Variants in FBXO47 observed in about 807,000 individuals in gnomAD.
The protein encoded by FBXO47 is F-box only protein 47.
Under a neutral mutation model 53.9 loss-of-function variants are expected in FBXO47, and 34 were observed. That is an observed-to-expected ratio of 0.63 (90% confidence interval 0.48 to 0.84). The LOEUF (loss-of-function observed/expected upper bound fraction) is 0.84, where lower values mean the gene tolerates loss of function less well. Among genes scored for constraint, FBXO47 ranks in the 40% least tolerant of loss-of-function variants. The probability of loss-of-function intolerance (pLI) is 0.00; values close to 1 mark genes in which losing one functional copy is unlikely to be tolerated. For synonymous variants in FBXO47, 165 were observed against 181.6 expected (o/e 0.91, Z 0.73); for missense variants, 485 against 541.3 (o/e 0.90, Z 1.03).
intron 1 of FBXO47, among the ~76,000 whole-genome samples, chr17:38,964,148 C>T (rs1164716987): frequency 6.6e-6 from 1 of 152,080 alleles, no homozygotes; most frequent in Non-Finnish European, 1.5e-5. Context: ...ATTCTTCCCT[C>T]AATTCCACCT....
chr17:38,945,696 G>C (rs1452194692), intron 6 of FBXO47, among the ~76,000 whole-genome samples: 1 of 151,810 alleles, frequency 6.6e-6, no homozygotes, highest in Admixed American at 6.6e-5. Flanking sequence ...CAGCACTTTG[G>C]GAGGCTGAGG....
At chr17:38,941,620 T>TTTTATATATATATA (rs1555560016) in intron 9 of FBXO47, among the ~76,000 whole-genome samples, 63 of 115,178 alleles carry the variant, frequency 5.5e-4, no homozygotes, top group African/African-American at 1.7e-3. Flanking sequence ...AAATATAATA[T>TTTTATATATATATA]TATATATATA....
intron 6 of FBXO47, among the ~76,000 whole-genome samples, chr17:38,946,313 T>TAA (rs1307170096): frequency 1.7e-4 from 8 of 47,828 alleles, no homozygotes; most frequent in East Asian, 8.4e-4. Flanking sequence ...TATAAATATA[T>TAA]AAATATATAT....
Position 38,945,114 on chromosome 17 carries a change from T to A in FBXO47, c.639A>T (p.Leu213Phe), listed in dbSNP as rs191314989. 2.3e-4 allele frequency: 377 copies of A among 1,613,064 alleles called. 5 individuals carry two copies. The East Asian group carries it at 8.2e-3, about 35-fold the overall frequency. ...CATTCCTACAGAAGAGTCTGATTCTTAACTCCAGTTTTTGGGCACTTCCTA... is the reference window on the plus strand; with the variant it reads ...CATTCCTACAGAAGAGTCTGATTCTAAACTCCAGTTTTTGGGCACTTCCTA... ...SKPGSAQKLE[L>F]RIRLFCRNVL... Residue 213 changes from leucine to phenylalanine, a missense_variant, in exon 7 of 11, where the codon TTA (leucine) becomes TTT (phenylalanine). Physicochemically the swap from Leu to Phe is conservative, Grantham distance 22. Transcript: ENST00000378079.
At position 38,945,147 on chromosome 17, in the gene FBXO47, AAAAGAATTGT is replaced by A; in HGVS notation, c.617-21_617-12del. 6.3e-7 allele frequency: 1 copy of A among 1,588,946 alleles called. No homozygotes were observed. Among genetic ancestry groups the A allele is most frequent in the East Asian group, 2.2e-5 (1 of 44,634 alleles). ...GTTTTTGGGCACTTCCTATGAAGAC[AAAAGAATTGT>A]AAATCATTCTTCGTAGAAAGGCTGC... On this transcript the variant is annotated splice_polypyrimidine_tract_variant and intron_variant, in intron 6 of 10. Coordinates refer to ENST00000378079, the MANE Select transcript of FBXO47 (RefSeq NM_001008777.3).
chr17:38,946,809 C>CATATATAG lies in FBXO47; in HGVS notation c.617-1674_617-1673insCTATATAT, dbSNP rs1390159995. On this transcript the variant is annotated intron_variant, in intron 6 of 10. Transcript: ENST00000378079. ...ATATAAATATATATAGATATATAAA[C>CATATATAG]ATATATAAATATATAAATATATAAA... Among the ~76,000 whole-genome samples the CATATATAG allele has an allele frequency of 1.0e-3, 57 of 55,804 alleles. 1 individual carries two copies. In the East Asian group the frequency reaches 0.019, roughly 19 times the overall value. The allele number at this position is 55,804 out of a possible 152,430, so 36.6% of individuals were successfully genotyped here. A position where few individuals can be genotyped will look rare whatever the true frequency, so the allele number is the denominator to read the frequency against.
chr17:38,953,959 T>C (rs1905430625), intron 5 of FBXO47, among the ~76,000 whole-genome samples: 2 of 152,102 alleles, frequency 1.3e-5, no homozygotes, highest in Admixed American at 1.3e-4. Context: ...TTCTTACGGG[T>C]GCAGTGCCTG....
intron 9 of FBXO47, among the ~76,000 whole-genome samples, chr17:38,942,032 A>G (rs1425146701): frequency 1.3e-5 from 2 of 151,914 alleles, no homozygotes. Context: ...AAAATTAGAG[A>G]GAATAATATA....
intron 4 of FBXO47, among the ~76,000 whole-genome samples, chr17:38,955,831 G>A (rs1411390017): frequency 6.6e-6 from 1 of 151,792 alleles, no homozygotes; most frequent in Non-Finnish European, 1.5e-5. Context: ...GGTGGCGCAC[G>A]CCTGTAATCC....
In FBXO47 at chr17:38,961,991, T is replaced by G; in HGVS notation, c.238A>C (p.Asn80His). The part of the protein sequence containing the change: ...VSKTVSQHII[N>H]YISTSSGSKR... ...CTTCCTGATGAGGTTGAGATATAAT[T>G]AATAATGTGTTGGCTGACTGTTTTG... is the stretch of plus-strand genomic sequence containing the variant. The change falls in exon 3 of 11, where the codon AAT (asparagine) becomes CAT (histidine). Residue 80 changes from asparagine (N) to histidine (H), a missense_variant. Transcript: ENST00000378079. 6.2e-7 allele frequency: 1 copy of G among 1,613,974 alleles called. No individual in the cohort carries two copies. The highest frequency in any genetic ancestry group is 8.5e-7 in the Non-Finnish European group (1 of 1,179,964).
At chr17:38,938,317 A>C (rs919990751) in intron 10 of FBXO47, among the ~76,000 whole-genome samples, 2 of 152,214 alleles carry the variant, frequency 1.3e-5, no homozygotes, top group African/African-American at 4.8e-5. Context: ...CAGACTCTTC[A>C]ACTTTATATT....
At chr17:38,948,761 T>A (rs950629311) in intron 6 of FBXO47, among the ~76,000 whole-genome samples, 1 of 152,152 alleles carries the variant, frequency 6.6e-6, no homozygotes, top group East Asian at 1.9e-4. Context: ...TTTATTTATT[T>A]ATTTTTATTA....
At chr17:38,956,922 C>T (rs969513495) in intron 4 of FBXO47, among the ~76,000 whole-genome samples, 3 of 152,110 alleles carry the variant, frequency 2.0e-5, no homozygotes, top group African/African-American at 7.2e-5. Flanking sequence ...ATACTTTATA[C>T]TCTGACAAAC....
intron 5 of FBXO47, among the ~76,000 whole-genome samples, chr17:38,953,182 G>GGT (rs1905390598): frequency 6.7e-6 from 1 of 149,612 alleles, no homozygotes. Context: ...AGCTAGGTGT[G>GGT]GTGGCAGGCC....
chr17:38,964,553 C>G (rs1905992976), intron 1 of FBXO47, among the ~76,000 whole-genome samples: 1 of 151,722 alleles, frequency 6.6e-6, no homozygotes, highest in East Asian at 1.9e-4. Context: ...CCCAGCTAAT[C>G]TGAAGGCTGA....
intron 3 of FBXO47, among the ~76,000 whole-genome samples, chr17:38,959,922 T>C (rs1389122587): frequency 6.6e-6 from 1 of 152,080 alleles, no homozygotes; most frequent in African/African-American, 2.4e-5. Flanking sequence ...AATATATGCC[T>C]GAACCTCATG....
intron 3 of FBXO47, among the ~76,000 whole-genome samples, chr17:38,957,737 C>T (rs374325469): frequency 1.4e-5 from 2 of 143,870 alleles, no homozygotes; most frequent in Non-Finnish European, 3.0e-5. Context: ...CTTACTCTGT[C>T]GCCCAGGCTG....
intron 10 of FBXO47, among the ~76,000 whole-genome samples, chr17:38,937,959 C>T (rs1181319783): frequency 6.6e-6 from 1 of 152,200 alleles, no homozygotes; most frequent in African/African-American, 2.4e-5. Flanking sequence ...TGAGCCACCT[C>T]GCCCAGCCTT....
At chr17:38,966,118 G>A (rs1906108584) in intron 1 of FBXO47, among the ~76,000 whole-genome samples, 1 of 152,012 alleles carries the variant, frequency 6.6e-6, no homozygotes, top group South Asian at 2.1e-4. Flanking sequence ...ATATTTTAAT[G>A]GCTATGTGTC....
Sources: allele counts gnomAD v4.1 joint callset (sites outside exome capture counted in the v4.1 genomes callset), GRCh38; gene constraint gnomAD v4.1.1; transcripts MANE v1.5; gene names NCBI Gene and HGNC (gene_info 2026-07-23, HGNC 2026-07-21).